The following NOS2 variants were observed in gnomAD, a reference collection of about 807,000 sequenced individuals.
The protein encoded by NOS2 is nitric oxide synthase 2, also known as nitric oxide synthase, inducible.
In NOS2, 96 loss-of-function variants were observed where a neutral mutation model predicts 136.0. The ratio of observed to expected loss-of-function variants is 0.71; its 90% CI spans 0.60 to 0.84. The LOEUF (loss-of-function observed/expected upper bound fraction) is 0.84, where lower values mean the gene tolerates loss of function less well. Ranked by LOEUF, NOS2 falls within the 40% of genes least tolerant of loss-of-function variation. NOS2 has a pLI of 0.00. For synonymous variants in NOS2, 539 were observed against 587.5 expected (o/e 0.92, Z 1.20); for missense variants, 1,237 against 1,496.9 (o/e 0.83, Z 2.87).
intron 11 of NOS2, among the ~76,000 whole-genome samples, chr17:27,777,703 A>G (rs111729304): frequency 6.6e-5 from 10 of 152,286 alleles, no homozygotes; most frequent in Admixed American, 4.6e-4. Context: ...ACAGACAGAC[A>G]AGGTCCCTGC....
Position 27,769,684 on chromosome 17 carries a change from C to T in NOS2, c.1810-100G>A, listed in dbSNP as rs1393470742. 1.5e-5 allele frequency: 15 copies of T among 1,014,204 alleles called. No homozygotes were observed. In the East Asian group the frequency reaches 1.9e-4, roughly 13 times the overall value. 62.8% of individuals were successfully genotyped at this position (1,014,204 alleles called of 1,614,324 possible). On this transcript the variant is annotated intron_variant, in intron 15 of 26. Transcript: ENST00000313735. ...CCTGGCCACAGCTTGCAGGAGAAGGCTCACAGCCCACCACGGAAGTTGGTT... is the reference window on the plus strand; with the variant it reads ...CCTGGCCACAGCTTGCAGGAGAAGGTTCACAGCCCACCACGGAAGTTGGTT...
At chr17:27,765,121 A>G (rs1240883820) in intron 20 of NOS2, among the ~76,000 whole-genome samples, 2 of 152,166 alleles carry the variant, frequency 1.3e-5, no homozygotes, top group Non-Finnish European at 2.9e-5. Context: ...TGGGATTGGG[A>G]TAACAGGCAT....
At chr17:27,792,908 T>C (rs1480255937) in intron 2 of NOS2, among the ~76,000 whole-genome samples, 2 of 150,710 alleles carry the variant, frequency 1.3e-5, no homozygotes, top group African/African-American at 4.9e-5. Flanking sequence ...GAGGATCACC[T>C]GAGCCCTGGA....
intron 2 of NOS2, among the ~76,000 whole-genome samples, chr17:27,796,961 C>G (rs1040449318): frequency 6.6e-6 from 1 of 152,172 alleles, no homozygotes; most frequent in Non-Finnish European, 1.5e-5. Context: ...CACAGCTAGA[C>G]TGTCCTGCTC....
rs2151325736 is a variant in NOS2 at position 27,764,162 on chromosome 17, G to A, written c.2429-18C>T. On this transcript the variant is annotated intron_variant, in intron 20 of 26. Coordinates refer to ENST00000313735, the MANE Select transcript of NOS2 (RefSeq NM_000625.4). ...GTAGCTGCCTGGATGGGGAAGGAAG[G>A]TGTCAGGATGGAAAAGAGGCCCCAT... 2 of 1,445,082 alleles carry A rather than the reference G, an allele frequency of 1.4e-6. No homozygotes were observed. Among genetic ancestry groups the A allele is most frequent in the Middle Eastern group, 2.1e-4 (1 of 4,824 alleles). 89.5% of individuals were successfully genotyped at this position (1,445,082 alleles called of 1,614,324 possible). A position where few individuals can be genotyped will look rare whatever the true frequency, so the allele number is the denominator to read the frequency against.
intron 20 of NOS2, 98 bp downstream of exon 20, chr17:27,765,437 A>G: frequency 8.8e-7 from 1 of 1,140,604 alleles, no homozygotes; most frequent in Non-Finnish European, 1.2e-6. Context: ...CAGGAAGGAC[A>G]GGGATGGCTG....
chr17:27,760,773 G>C (rs1475073225), intron 23 of NOS2, 29 bp from the exon 24 acceptor site: 100 of 1,544,456 alleles, frequency 6.5e-5, no homozygotes, highest in Non-Finnish European at 5.0e-5. Context: ...GAGGGGGCCA[G>C]TCCTCAGACA....
chr17:27,798,713 A>G lies in NOS2; in HGVS notation c.97T>C (p.Cys33Arg). Residue 33 changes from cysteine (C) to arginine (R), a missense_variant, in exon 2 of 27, where the codon TGT (cysteine) becomes CGT (arginine). By Grantham distance (180) the Cys-to-Arg change is radical. Coordinates refer to ENST00000313735, the MANE Select transcript of NOS2 (RefSeq NM_000625.4). Reference sequence around the variant, plus strand: ...GGGAAAACTCACCTGGAGGTGGCACAGGGGGCTTTCTCCACATTGTTGTTG... The same window carrying G: ...GGGAAAACTCACCTGGAGGTGGCACGGGGGGCTTTCTCCACATTGTTGTTG... The part of the protein sequence containing the change: ...DINNNVEKAP[C>R]ATSSPVTQDD... 6.2e-7 allele frequency: 1 copy of G among 1,612,226 alleles called. No homozygotes were observed. The highest frequency in any genetic ancestry group is 8.5e-7 in the Non-Finnish European group (1 of 1,178,218).
At chr17:27,771,097 TCCCACACTGCC>T in intron 14 of NOS2, 80 bp from the exon 15 acceptor site, 1 of 984,358 alleles carries the variant, frequency 1.0e-6, no homozygotes, top group Non-Finnish European at 1.6e-6. Flanking sequence ...CTGGGCTTCC[TCCCACACTGCC>T]CCCAGGCTGC....
At chr17:27,778,834 AC>A in intron 10 of NOS2, 43 bp from the exon 11 acceptor site, 4 of 1,612,564 alleles carry the variant, frequency 2.5e-6, no homozygotes, top group Non-Finnish European at 3.4e-6. Context: ...CCCTGAAGCC[AC>A]CCCCAGGCCC....
chr17:27,759,249 C>A (rs1908032501), intron 25 of NOS2, among the ~76,000 whole-genome samples, 174 bp from the exon 26 acceptor site: 1 of 152,200 alleles, frequency 6.6e-6, no homozygotes, highest in Admixed American at 6.5e-5. Flanking sequence ...ATGGATGCCC[C>A]TGGGGCTCGG....
rs751230644 is a variant in NOS2 at position 27,757,219 on chromosome 17, G to A, written c.*27C>T. On this transcript the variant is annotated 3_prime_UTR_variant, in exon 27 of 27. Coordinates refer to ENST00000313735, the MANE Select transcript of NOS2 (RefSeq NM_000625.4). Reference sequence around the variant, plus strand: ...TGGCTCCATCCTTAAGTTCTGTGCCGGCAGCTTTAACCCCTCCTGTAGGCC... The same window carrying A: ...TGGCTCCATCCTTAAGTTCTGTGCCAGCAGCTTTAACCCCTCCTGTAGGCC... 3.2e-5 allele frequency: 50 copies of A among 1,583,776 alleles called. 2 individuals carry two copies. The Admixed American group carries it at 4.9e-4, about 16-fold the overall frequency.
At chr17:27,787,568 C>A in intron 5 of NOS2, 110 bp downstream of exon 5, 1 of 894,706 alleles carries the variant, frequency 1.1e-6, no homozygotes, top group Non-Finnish European at 1.7e-6. Context: ...GATTTAACAC[C>A]ACAAATCTGG....
Position 27,769,088 on chromosome 17 carries a change from AAT to A in NOS2, c.1921_1922del (p.Ile641Ter). The A allele has an allele frequency of 6.2e-7, 1 of 1,613,058 alleles. No individual in the cohort carries two copies. The highest frequency in any genetic ancestry group is 8.5e-7 in the Non-Finnish European group (1 of 1,179,772). On this transcript the variant is annotated frameshift_variant, in exon 17 of 27. Coordinates refer to ENST00000313735, the MANE Select transcript of NOS2 (RefSeq NM_000625.4). LOFTEE classifies it high-confidence loss of function. ...YPRFCAFAHD[I>X]DQKLSHLGAS... Reference sequence around the variant, plus strand: ...CCCCCAGGTGGGACAGCTTCTGATCAATGTCATGAGCAAAGGCGCAGAACCGA... The same window carrying A: ...CCCCCAGGTGGGACAGCTTCTGATCAGTCATGAGCAAAGGCGCAGAACCGA...
intron 4 of NOS2, 67 bp downstream of exon 4, chr17:27,788,742 T>A: frequency 6.4e-7 from 1 of 1,560,700 alleles, no homozygotes; most frequent in Non-Finnish European, 8.7e-7. Flanking sequence ...ACCTGTTTGA[T>A]CCACAAAGCC....
chr17:27,778,961 C>A lies in NOS2; in HGVS notation c.1100G>T (p.Cys367Phe). ...GCCCATGTACCAGCCATTGAAGGGG[C>A]ACCCTGGGAACTCCAGGCCGCCCAC... ...LEVGGLEFPG[C>F]PFNGWYMGTE... is the part of the protein sequence containing the mutation. The change falls in exon 10 of 27, where the codon TGC becomes TTC. Residue 367 changes from cysteine (C) to phenylalanine (F), a missense_variant. Around this residue, in one of 3 missense-constraint regions of NOS2, gnomAD observed 440 missense variants for 545.4 expected, o/e 0.81. Transcript: ENST00000313735. 1 of 1,612,950 alleles carries A rather than the reference C, an allele frequency of 6.2e-7. No individual in the cohort carries two copies. The highest frequency in any genetic ancestry group is 8.5e-7 in the Non-Finnish European group (1 of 1,179,160).
intron 14 of NOS2, 45 bp downstream of exon 14, chr17:27,772,263 T>G (rs1272257675): frequency 1.7e-5 from 27 of 1,611,802 alleles, no homozygotes; most frequent in Non-Finnish European, 2.3e-5. Flanking sequence ...TAGACTCCCC[T>G]GCACACAAGC....
At chr17:27,791,388 T>G (rs1909175413) in intron 2 of NOS2, among the ~76,000 whole-genome samples, 1 of 152,146 alleles carries the variant, frequency 6.6e-6, no homozygotes. Flanking sequence ...GAACCCTCCA[T>G]CCTTGATAGC....
chr17:27,794,380 G>T (rs541772241), intron 2 of NOS2, among the ~76,000 whole-genome samples: 1 of 152,292 alleles, frequency 6.6e-6, no homozygotes, highest in South Asian at 2.1e-4. Flanking sequence ...CAGGCCCCTT[G>T]TCCTTGCTAC....
Sources: gnomAD v4.1 joint callset for allele counts (sites outside exome capture counted in the v4.1 genomes callset) on GRCh38, gnomAD v4.1.1 for gene constraint, gnomAD v4.1.1 regional missense constraint, MANE v1.5 for transcripts, NCBI Gene and HGNC (gene_info 2026-07-23, HGNC 2026-07-21) for gene names.